The following ZNF600 variants were observed in gnomAD, a reference collection of about 807,000 sequenced individuals.
ZNF600 encodes zinc finger protein 600.
ZNF600 carries 4 observed loss-of-function variants against 7.3 expected under a neutral mutation model. That is an observed-to-expected ratio of 0.55 (90% CI 0.27 to 1.25). The LOEUF (loss-of-function observed/expected upper bound fraction) is 1.25, where lower values mean the gene tolerates loss of function less well. Ranked by LOEUF, ZNF600 falls within the 50% of genes most tolerant of loss-of-function variation. The pLI, the probability that ZNF600 is intolerant of heterozygous loss-of-function variation, is 0.12. For synonymous variants in ZNF600, 290 were observed against 308.9 expected, an observed-to-expected ratio of 0.94 and a Z score of 0.64; for missense variants, 911 against 922.1, an observed-to-expected ratio of 0.99 and a Z score of 0.16.
upstream of ZNF600, among the ~76,000 whole-genome samples, chr19:52,791,187 A>ACATG (rs1236070454): frequency 1.3e-5 from 2 of 152,236 alleles, no homozygotes; most frequent in Non-Finnish European, 1.5e-5. Context: ...TGACATCCAG[A>ACATG]CATGGCCCCT....
chr19:52,791,586 T>TC (rs1168654917), upstream of ZNF600, among the ~76,000 whole-genome samples: 4 of 93,680 alleles, frequency 4.3e-5, no homozygotes, highest in Non-Finnish European at 1.0e-4. Flanking sequence ...ATCCTGAATG[T>TC]GAAAAAAAAA....
intron 1 of ZNF600, among the ~76,000 whole-genome samples, chr19:52,784,385 G>A (rs559989885): frequency 2.6e-5 from 4 of 152,266 alleles, no homozygotes; most frequent in African/African-American, 9.6e-5. Context: ...CAGCCTGGGT[G>A]ACAGAGCCAG....
At chr19:52,771,464 C>G (rs1305759782) in intron 3 of ZNF600, among the ~76,000 whole-genome samples, 7 of 151,208 alleles carry the variant, frequency 4.6e-5, no homozygotes, top group African/African-American at 1.7e-4. Flanking sequence ...CAGATACATG[C>G]CACCATGCCT....
chr19:52,820,410 C>T, the ZNF600 span, among the ~76,000 whole-genome samples: 1 of 146,034 alleles, frequency 6.8e-6, no homozygotes, highest in Non-Finnish European at 1.5e-5. Flanking sequence ...AGCCACCGCG[C>T]CCGGCCCTTA....
intron 2 of ZNF600, among the ~76,000 whole-genome samples, chr19:52,776,808 T>C (rs1325882038): frequency 6.6e-6 from 1 of 152,164 alleles, no homozygotes; most frequent in East Asian, 1.9e-4. Context: ...ACCATGGGCT[T>C]ATCCACCCAT....
At chr19:52,782,887 T>C (rs1038535150) in intron 1 of ZNF600, among the ~76,000 whole-genome samples, 3 of 149,908 alleles carry the variant, frequency 2.0e-5, no homozygotes, top group Non-Finnish European at 4.5e-5. Context: ...AAATAAAAAA[T>C]AAATAAATAA....
At chr19:52,799,735 A>G in the ZNF600 span, 17 of 1,613,498 alleles carry the variant, frequency 1.1e-5, no homozygotes, top group African/African-American at 2.7e-5. Context: ...ACAAGGTTTG[A>G]CATCTGACTG....
At chr19:52,819,460 C>A in the ZNF600 span, among the ~76,000 whole-genome samples, 1 of 118,434 alleles carries the variant, frequency 8.4e-6, no homozygotes, top group Non-Finnish European at 1.8e-5. Flanking sequence ...ACTGGGCACT[C>A]CCCTCTACCA....
chr19:52,794,006 T>C, the ZNF600 span, among the ~76,000 whole-genome samples: 1 of 151,948 alleles, frequency 6.6e-6, no homozygotes, highest in Non-Finnish European at 1.5e-5. Flanking sequence ...GGGAATGTGT[T>C]TGGGGGTTTA....
the ZNF600 span, among the ~76,000 whole-genome samples, chr19:52,811,224 C>T: frequency 1.7e-4 from 26 of 151,222 alleles, no homozygotes; most frequent in African/African-American, 2.4e-4. Context: ...AGTGCAGCGG[C>T]GTGATCTCGG....
chr19:52,805,606 G>A, the ZNF600 span: 10 of 138,920 alleles, frequency 7.2e-5, no homozygotes, highest in East Asian at 1.6e-3. Context: ...CGGCCTGGGC[G>A]ACAGAGTGAG....
chr19:52,811,143 C>G, the ZNF600 span, among the ~76,000 whole-genome samples: 2 of 150,934 alleles, frequency 1.3e-5, no homozygotes. Flanking sequence ...ATCCGCCAGC[C>G]TCGGCCTCCC....
chr19:52,788,310 G>T (rs1443538648), upstream of ZNF600, among the ~76,000 whole-genome samples: 1 of 152,174 alleles, frequency 6.6e-6, no homozygotes, highest in African/African-American at 2.4e-5. Flanking sequence ...AGAGACAGAA[G>T]AATCCACCGA....
chr19:52,778,697 C>G, intron 2 of ZNF600, 129 bp downstream of exon 4: 1 of 1,272,278 alleles, frequency 7.9e-7, no homozygotes, highest in Non-Finnish European at 1.1e-6. Flanking sequence ...GAACTAAGGG[C>G]AGGCATGGCT....
At chr19:52,809,792 G>A in the ZNF600 span, 8 of 501,372 alleles carry the variant, frequency 1.6e-5, no homozygotes, top group African/African-American at 1.0e-4. Flanking sequence ...GTGACAGAGC[G>A]AAAAAAAAGG....
At chr19:52,800,817 G>T in the ZNF600 span, 2 of 1,613,906 alleles carry the variant, frequency 1.2e-6, no homozygotes, top group South Asian at 1.1e-5. Flanking sequence ...AGTATGTTTT[G>T]CTAGGTATGA....
At chr19:52,799,904 C>T in the ZNF600 span, 2 of 1,613,294 alleles carry the variant, frequency 1.2e-6, no homozygotes, top group African/African-American at 2.7e-5. Context: ...CGAGGGATGA[C>T]ATCTGACTGA....
At chr19:52,796,855 C>G in the ZNF600 span, among the ~76,000 whole-genome samples, 1 of 152,172 alleles carries the variant, frequency 6.6e-6, no homozygotes, top group African/African-American at 2.4e-5. Context: ...TGATTTTACC[C>G]TTCTGAGTGC....
the ZNF600 span, among the ~76,000 whole-genome samples, chr19:52,828,445 T>A: frequency 9.9e-5 from 15 of 151,992 alleles, no homozygotes; most frequent in African/African-American, 1.5e-4. Flanking sequence ...CCAGCCTGGG[T>A]AACAGGGAGA....
Sources: gnomAD v4.1 joint callset for allele counts (sites outside exome capture counted in the v4.1 genomes callset) on GRCh38, gnomAD v4.1.1 for gene constraint, MANE v1.5 for transcripts, NCBI Gene and HGNC (gene_info 2026-07-23, HGNC 2026-07-21) for gene names.